TMEM178B: variants seen among roughly 807,000 people sequenced by gnomAD.
TMEM178B encodes the protein transmembrane protein 178B.
TMEM178B carries 5 observed loss-of-function variants against 31.0 expected under a neutral mutation model. That is an observed-to-expected ratio of 0.16 (90% CI 0.08 to 0.34). The LOEUF is 0.34. TMEM178B is among the 10% of genes least tolerant of loss of function. TMEM178B has a pLI of 1.00. For missense variants in TMEM178B, 275 were observed against 400.3 expected (o/e 0.69, Z 2.67); for synonymous variants, 164 against 164.0 (o/e 1.00, Z 0.00).
chr7:141,361,967 A>C (rs1485636241), intron 2 of TMEM178B, among the ~76,000 whole-genome samples: 1 of 152,262 alleles, frequency 6.6e-6, no homozygotes, highest in Non-Finnish European at 1.5e-5. Flanking sequence ...GACACTTTCA[A>C]ACTCACCCTT....
intron 2 of TMEM178B, among the ~76,000 whole-genome samples, chr7:141,321,290 C>T (rs189339710): frequency 4.6e-5 from 7 of 152,318 alleles, no homozygotes; most frequent in African/African-American, 1.7e-4. Context: ...CATACCTTCC[C>T]AAGATGCCAA....
chr7:141,463,077 C>T (rs748212665), intron 3 of TMEM178B, among the ~76,000 whole-genome samples: 2 of 152,186 alleles, frequency 1.3e-5, no homozygotes, highest in African/African-American at 4.8e-5. Flanking sequence ...GTCTTAACAG[C>T]ACAGCTCTCA....
chr7:141,111,037 T>C (rs999520372), intron 1 of TMEM178B, among the ~76,000 whole-genome samples: 1 of 152,170 alleles, frequency 6.6e-6, no homozygotes, highest in Admixed American at 6.5e-5. Flanking sequence ...AGCCACGCAG[T>C]CTATGGTCTT....
intron 2 of TMEM178B, among the ~76,000 whole-genome samples, chr7:141,408,446 A>G (rs1411759653): frequency 6.6e-6 from 1 of 152,236 alleles, no homozygotes; most frequent in African/African-American, 2.4e-5. Context: ...ATTTCATTTC[A>G]GCAGGTCTGG....
intron 2 of TMEM178B, among the ~76,000 whole-genome samples, chr7:141,237,577 C>T (rs1400594011): frequency 6.6e-6 from 1 of 151,928 alleles, no homozygotes; most frequent in African/African-American, 2.4e-5. Flanking sequence ...AGGAAATAAA[C>T]CAAAATGTTG....
At chr7:141,092,816 G>T (rs1422472729) in intron 1 of TMEM178B, among the ~76,000 whole-genome samples, 1 of 152,194 alleles carries the variant, frequency 6.6e-6, no homozygotes. Context: ...GGGATGGCCA[G>T]AGAAGAGTGC....
At chr7:141,465,667 A>G (rs1256706285) in intron 3 of TMEM178B, among the ~76,000 whole-genome samples, 2 of 152,200 alleles carry the variant, frequency 1.3e-5, no homozygotes, top group Admixed American at 1.3e-4. Context: ...TCTAAATCTA[A>G]TTATTAGTAC....
chr7:141,359,649 C>T (rs1799883635), intron 2 of TMEM178B, among the ~76,000 whole-genome samples: 1 of 152,154 alleles, frequency 6.6e-6, no homozygotes, highest in African/African-American at 2.4e-5. Context: ...AGTGCATTTT[C>T]AATTATCCAG....
intron 1 of TMEM178B, among the ~76,000 whole-genome samples, chr7:141,126,081 T>C (rs1795490367): frequency 6.6e-6 from 1 of 152,128 alleles, no homozygotes; most frequent in African/African-American, 2.4e-5. Flanking sequence ...GATGACCAGA[T>C]TGTGTGAAAT....
chr7:141,339,196 C>T (rs1799474956), intron 2 of TMEM178B, among the ~76,000 whole-genome samples: 1 of 152,102 alleles, frequency 6.6e-6, no homozygotes, highest in African/African-American at 2.4e-5. Flanking sequence ...CTTTCTTGTC[C>T]CTGAGGAGTG....
rs979674223 is a variant in TMEM178B at position 141,234,900 on chromosome 7, C to T, written c.496+22196C>T. 1.1e-4 allele frequency among the ~76,000 whole-genome samples: 17 copies of T among 152,126 alleles called. 1 individual carries two copies. Among genetic ancestry groups the T allele is most frequent in the South Asian group, 4.1e-4 (2 of 4,824 alleles). Reference sequence around the variant, plus strand: ...CATTTATATTTGGCTTTGGAACGCACGACATGATTGCTGGCAGCGGGGGTA... The same window carrying T: ...CATTTATATTTGGCTTTGGAACGCATGACATGATTGCTGGCAGCGGGGGTA... On this transcript the variant is annotated intron_variant, in intron 2 of 3. Transcript: ENST00000565468.
chr7:141,261,357 C>T (rs1798009364), intron 2 of TMEM178B, among the ~76,000 whole-genome samples: 2 of 151,898 alleles, frequency 1.3e-5, no homozygotes, highest in African/African-American at 2.4e-5. Flanking sequence ...ACTTTGCTAC[C>T]CTTAAATTGG....
At chr7:141,458,600 TG>T (rs374620302) in intron 3 of TMEM178B, among the ~76,000 whole-genome samples, 67 of 152,264 alleles carry the variant, frequency 4.4e-4, no homozygotes, top group African/African-American at 1.4e-3. Context: ...GAGTGGGTGA[TG>T]GAGATGAAAA....
chr7:141,117,072 T>TC (rs1459677818), intron 1 of TMEM178B, among the ~76,000 whole-genome samples: 1 of 152,190 alleles, frequency 6.6e-6, no homozygotes, highest in Non-Finnish European at 1.5e-5. Flanking sequence ...TGGTTCTAGA[T>TC]CCTTGAGGAA....
intron 2 of TMEM178B, among the ~76,000 whole-genome samples, chr7:141,362,643 G>A (rs1447822893): frequency 2.6e-5 from 4 of 152,154 alleles, no homozygotes; most frequent in Non-Finnish European, 5.9e-5. Context: ...CTCTGTGGGG[G>A]CATTTGGTGC....
chr7:141,092,947 A>G (rs1211225961), intron 1 of TMEM178B, among the ~76,000 whole-genome samples: 1 of 152,156 alleles, frequency 6.6e-6, no homozygotes, highest in African/African-American at 2.4e-5. Context: ...ATGTCAGAGA[A>G]TGGTGGCATG....
chr7:141,192,051 A>G (rs1796705794), intron 1 of TMEM178B, among the ~76,000 whole-genome samples: 1 of 152,186 alleles, frequency 6.6e-6, no homozygotes, highest in African/African-American at 2.4e-5. Flanking sequence ...CCAGAGGGCT[A>G]TCCAGTTTAC....
In TMEM178B at chr7:141,290,612, C is replaced by T. The variant is rs565676284; in HGVS notation, c.496+77908C>T. Among the ~76,000 whole-genome samples the T allele has an allele frequency of 1.1e-4, 17 of 152,274 alleles. No individual in the cohort carries two copies. The East Asian group carries it at 1.5e-3, about 14-fold the overall frequency. ...ATGTAAACACATGCACACACACGCG[C>T]GTGCTTTAAATAATACATCACCTTC... On this transcript the variant is annotated intron_variant, in intron 2 of 3. Transcript: ENST00000565468.
chr7:141,317,513 G>A (rs10254470), intron 2 of TMEM178B, among the ~76,000 whole-genome samples: 25,728 of 152,172 alleles, frequency 0.17, 2,522 homozygotes, highest in Middle Eastern at 0.23. Context: ...TGGCACTAGC[G>A]CTAGACCTGG....
Sources: gnomAD v4.1 joint callset for allele counts (sites outside exome capture counted in the v4.1 genomes callset) on GRCh38, gnomAD v4.1.1 for gene constraint, MANE v1.5 for transcripts, NCBI Gene and HGNC (gene_info 2026-07-23, HGNC 2026-07-21) for gene names.